BRCC3: variants seen among roughly 807,000 people sequenced by gnomAD.
The protein encoded by BRCC3 is BRCA1/BRCA2-containing complex subunit 3.
BRCC3 carries 15 observed loss-of-function variants against 28.0 expected under a neutral mutation model. The observed-to-expected ratio is 0.54, with a 90% CI of 0.36 to 0.82. The LOEUF is 0.82. Among genes scored for constraint, BRCC3 ranks in the 40% least tolerant of loss-of-function variants. The pLI is 0.01. For synonymous variants in BRCC3, 66 were observed against 80.3 expected (o/e 0.82, Z 0.95); for missense variants, 109 against 225.9 (o/e 0.48, Z 3.32).
chrX:155,084,511 C>T (rs953783506), intron 5 of BRCC3, among the ~76,000 whole-genome samples: 10 of 111,625 alleles, frequency 9.0e-5, no homozygotes, highest in East Asian at 2.8e-4. Flanking sequence ...TACAGGCATC[C>T]GCCACCACAC....
intron 3 of BRCC3, among the ~76,000 whole-genome samples, chrX:155,075,768 C>T (rs1431615353): frequency 4.5e-5 from 5 of 111,926 alleles, no homozygotes; most frequent in Non-Finnish European, 7.5e-5. Context: ...TTTTTTCCTT[C>T]GAGTTCATCC....
At chrX:155,086,505 C>T (rs1197442069) in intron 5 of BRCC3, among the ~76,000 whole-genome samples, 1 of 111,050 alleles carries the variant, frequency 9.0e-6, no homozygotes, top group Admixed American at 9.5e-5. Context: ...CACGCGCCAC[C>T]ACGCCTGGCT....
At position 155,099,510 on chromosome X, in the gene BRCC3, T is replaced by C; in HGVS notation, c.548+8671T>C. ...CTGGCAGAACTCAGTCAAGTGGCCA[T>C]ACCTAAGCTGCCAAGGAGACTAGGA... is the stretch of plus-strand genomic sequence containing the variant. On this transcript the variant is annotated intron_variant, in intron 7 of 10. Coordinates refer to ENST00000330045, the MANE Select transcript of BRCC3 (RefSeq NM_001018055.3). 7.1e-6 allele frequency: 7 copies of C among 980,068 alleles called. No individual in the cohort carries two copies. The South Asian group carries it at 2.0e-4, about 28-fold the overall frequency. The allele number at this position is 980,068 out of a possible 1,213,427, so 80.8% of individuals were successfully genotyped here. A position where few individuals can be genotyped will look rare whatever the true frequency, so the allele number is the denominator to read the frequency against.
chrX:155,112,219 C>T (rs955368098), intron 7 of BRCC3, among the ~76,000 whole-genome samples: 1 of 111,557 alleles, frequency 9.0e-6, no homozygotes, highest in Non-Finnish European at 1.9e-5. Context: ...CATTGCTGCT[C>T]CTATGTTCTG....
At position 155,077,178 on chromosome X, in the gene BRCC3, C is replaced by T. The variant is rs1424511412; in HGVS notation, c.204C>T (p.Ala68=). ...EMRTVAEKVD[A]VRIVHIHSVI... Reference sequence around the variant, plus strand: ...TGTGGATTTTCCTTTAGGTTGATGCCGTCAGAATTGTTCACATTCATTCTG... The same window carrying T: ...TGTGGATTTTCCTTTAGGTTGATGCTGTCAGAATTGTTCACATTCATTCTG... Residue 68 remains alanine, a synonymous_variant, in exon 4 of 11, where the codon GCC becomes GCT. Transcript: ENST00000330045. 5.1e-6 allele frequency: 6 copies of T among 1,180,705 alleles called. No individual in the cohort carries two copies. Among genetic ancestry groups the T allele is most frequent in the Middle Eastern group, 2.4e-4 (1 of 4,134 alleles).
At chrX:155,111,975 G>A (rs1282852185) in intron 7 of BRCC3, among the ~76,000 whole-genome samples, 1 of 111,514 alleles carries the variant, frequency 9.0e-6, no homozygotes, top group Non-Finnish European at 1.9e-5. Flanking sequence ...CTGTGATAAA[G>A]TTTAGTTTAT....
intron 7 of BRCC3, among the ~76,000 whole-genome samples, chrX:155,100,661 T>C (rs1312149763): frequency 1.8e-5 from 2 of 112,231 alleles, no homozygotes; most frequent in East Asian, 5.6e-4. Flanking sequence ...ATTTGTTCCA[T>C]TACTGGTGAT....
At chrX:155,098,775 A>T (rs1569560534) in intron 7 of BRCC3, among the ~76,000 whole-genome samples, 1 of 112,387 alleles carries the variant, frequency 8.9e-6, no homozygotes, top group Non-Finnish European at 1.9e-5. Flanking sequence ...TCTCTTGGGT[A>T]CAAGTTCCTT....
At position 155,121,808 on chromosome X, in the gene BRCC3, A is replaced by G. The variant is rs782096185; in HGVS notation, c.*604A>G. 7.1e-5 allele frequency: 8 copies of G among 112,105 alleles called. No individual in the cohort carries two copies. The highest frequency in any genetic ancestry group is 1.3e-4 in the Non-Finnish European group (7 of 53,252). The allele number at this position is 112,105 out of a possible 1,213,427, so 9.2% of individuals were successfully genotyped here. A position where few individuals can be genotyped will look rare whatever the true frequency, so the allele number is the denominator to read the frequency against. ...AATTTGCAAACCATATATCTGATCA[A>G]TTTGGAATATATAAAGTGTACTAAA... On this transcript the variant is annotated 3_prime_UTR_variant, in exon 11 of 11. Transcript: ENST00000330045.
chrX:155,073,707 C>G (rs1569560388), intron 3 of BRCC3, among the ~76,000 whole-genome samples: 2 of 111,722 alleles, frequency 1.8e-5, no homozygotes, highest in Admixed American at 1.9e-4. Context: ...CTCCCACTTT[C>G]CTTGATACTT....
chrX:155,074,695 C>G (rs1427363006), intron 3 of BRCC3, among the ~76,000 whole-genome samples: 1 of 112,144 alleles, frequency 8.9e-6, no homozygotes, highest in Non-Finnish European at 1.9e-5. Flanking sequence ...ATTTCATGCC[C>G]TCGTCTTGAG....
chrX:155,084,406 A>T (rs1370183764), intron 5 of BRCC3, among the ~76,000 whole-genome samples: 1 of 110,722 alleles, frequency 9.0e-6, no homozygotes, highest in Non-Finnish European at 1.9e-5. Flanking sequence ...TCTGTCGCCC[A>T]GGCTGGAGTG....
chrX:155,080,074 A>G (rs1416843761), intron 5 of BRCC3, among the ~76,000 whole-genome samples: 1 of 111,412 alleles, frequency 9.0e-6, no homozygotes, highest in Non-Finnish European at 1.9e-5. Flanking sequence ...TAAAGCCTTA[A>G]TGTCACTGAA....
chrX:155,099,596 G>A (rs1470820120), intron 7 of BRCC3, among the ~76,000 whole-genome samples: 1 of 112,004 alleles, frequency 8.9e-6, no homozygotes, highest in South Asian at 3.7e-4. Context: ...CTGTTATCAA[G>A]GAGGAAAGTG....
At chrX:155,085,522 A>G (rs2074117186) in intron 5 of BRCC3, among the ~76,000 whole-genome samples, 1 of 111,952 alleles carries the variant, frequency 8.9e-6, no homozygotes, top group African/African-American at 3.3e-5. Context: ...GAAAGACCCA[A>G]CCAGAGGAAA....
chrX:155,119,735 G>T (rs185351174), intron 9 of BRCC3, among the ~76,000 whole-genome samples: 1 of 111,866 alleles, frequency 8.9e-6, no homozygotes, highest in Admixed American at 9.4e-5. Flanking sequence ...TAAAGAGCTG[G>T]CCCTCTTTCT....
At chrX:155,072,287 T>C (rs1557292722) in intron 1 of BRCC3, 40 bp from the exon 2 acceptor site, 1 of 1,159,595 alleles carries the variant, frequency 8.6e-7, no homozygotes, top group South Asian at 1.8e-5. Context: ...CAAACAAACG[T>C]AATGTGATCA....
At chrX:155,101,852 T>A (rs1193578042) in intron 7 of BRCC3, among the ~76,000 whole-genome samples, 1 of 112,135 alleles carries the variant, frequency 8.9e-6, no homozygotes, top group African/African-American at 3.2e-5. Context: ...CAGAAAACCC[T>A]GATCTACTAT....
At chrX:155,077,335 T>A (rs782126938) in intron 4 of BRCC3, 46 bp downstream of exon 4, 3 of 1,104,854 alleles carry the variant, frequency 2.7e-6, no homozygotes, top group Non-Finnish European at 3.6e-6. Flanking sequence ...CTGGGGTTCC[T>A]GGGCCGCATT....
Sources: gnomAD v4.1 joint callset for allele counts (sites outside exome capture counted in the v4.1 genomes callset) on GRCh38, gnomAD v4.1.1 for gene constraint, MANE v1.5 for transcripts, NCBI Gene and HGNC (gene_info 2026-07-23, HGNC 2026-07-21) for gene names.